DNALI1: variants seen among roughly 807,000 people sequenced by gnomAD.
DNALI1 encodes dynein axonemal light intermediate chain 1, also known as axonemal dynein light intermediate polypeptide 1.
Under a neutral mutation model 33.9 loss-of-function variants are expected in DNALI1, and 31 were observed. That is an observed-to-expected ratio of 0.91 (90% confidence interval 0.69 to 1.23). The LOEUF (loss-of-function observed/expected upper bound fraction) is 1.23. Among genes scored for constraint, DNALI1 ranks in the 50% most tolerant of loss-of-function variants. DNALI1 has a pLI of 0.00. For synonymous variants in DNALI1, 117 were observed against 129.2 expected (o/e 0.91, Z 0.64); for missense variants, 305 against 323.8 (o/e 0.94, Z 0.44).
rs762620270 is a variant in DNALI1, at chr1:37,562,213, C to G, written c.709C>G (p.Gln237Glu). 2 of 1,613,648 alleles carry G rather than the reference C, an allele frequency of 1.2e-6. No homozygotes were observed. Among genetic ancestry groups the G allele is most frequent in the Non-Finnish European group, 1.7e-6 (2 of 1,179,814 alleles). ...GGAGAAGAAGCACAATGAGGAGATT[C>G]AGTTCCTGAAGCGAACAAATCAGCA... ...VEEKKHNEEI[Q>E]FLKRTNQQLK... The change falls in exon 5 of 6, where the codon CAG becomes GAG. Residue 237 changes from glutamine to glutamate, a missense_variant. Gln to Glu is a conservative substitution (Grantham distance 29). Transcript: ENST00000652629. This position sits in a 1 kb window ranked among gnomAD's most constrained non-coding sequence, Gnocchi z 5.8.
rs966269532 is a variant in DNALI1 at position 37,566,522 on chromosome 1, T to G, written c.*1461T>G. 4 of 236,890 alleles carry G rather than the reference T, an allele frequency of 1.7e-5. No homozygotes were observed. Among genetic ancestry groups the G allele is most frequent in the Admixed American group, 5.2e-5 (1 of 19,294 alleles). The allele number at this position is 236,890 out of a possible 1,614,324, so 14.7% of individuals were successfully genotyped here. A position where few individuals can be genotyped will look rare whatever the true frequency, so the allele number is the denominator to read the frequency against. ...CTTGAAATTTGCAGTTCTGTATGCT[T>G]CTATTCCAAATCATTCATTACCAAT... On this transcript the variant is annotated 3_prime_UTR_variant, in exon 6 of 6. Transcript: ENST00000652629.
Position 37,565,166 on chromosome 1 carries a change from T to C in DNALI1, c.*105T>C. ...TAAGCCCTTTGTAATAAAAAGCTAG[T>C]TTCCTGAGTGAACAAGCCATAACCT... On this transcript the variant is annotated 3_prime_UTR_variant, in exon 6 of 6. Transcript: ENST00000652629. 1 of 1,354,358 alleles carries C rather than the reference T, an allele frequency of 7.4e-7. No homozygotes were observed. The highest frequency in any genetic ancestry group is 1.0e-6 in the Non-Finnish European group (1 of 965,658). 83.9% of individuals were successfully genotyped at this position (1,354,358 alleles called of 1,614,324 possible).
chr1:37,562,271 A>G lies in DNALI1; in HGVS notation c.741+26A>G. ...GTAATCAACGCGCAGGGTGGGGTGG[A>G]GGTGCCCCCTGCCCTGCGACCCAGC... On this transcript the variant is annotated intron_variant, in intron 5 of 5. Transcript: ENST00000652629. This position sits in a 1 kb window ranked among gnomAD's most constrained non-coding sequence, Gnocchi z 5.8. The G allele has an allele frequency of 6.2e-7, 1 of 1,602,406 alleles. No individual in the cohort carries two copies. Among genetic ancestry groups the G allele is most frequent in the Non-Finnish European group, 8.5e-7 (1 of 1,174,370 alleles).
At chr1:37,558,265 TTCC>T (rs1643396998) in intron 2 of DNALI1, 1 of 152,676 alleles carries the variant, frequency 6.5e-6, no homozygotes, top group African/African-American at 2.4e-5. Flanking sequence ...TTCAAATTCT[TTCC>T]CAAATCCAAC....
At chr1:37,560,289 C>T (rs764900615) in intron 3 of DNALI1, among the ~76,000 whole-genome samples, 10 of 152,194 alleles carry the variant, frequency 6.6e-5, no homozygotes, top group Non-Finnish European at 8.8e-5. Flanking sequence ...TCCCATCCCA[C>T]CAGGCCATAT....
intron 2 of DNALI1, 187 bp downstream of exon 2, chr1:37,557,935 C>G (rs1226943603): frequency 1.4e-6 from 1 of 704,064 alleles, no homozygotes; most frequent in African/African-American, 1.8e-5. Flanking sequence ...AATCTACCCT[C>G]ATTTCCTGCA....
intron 2 of DNALI1, 119 bp downstream of exon 2, chr1:37,557,867 G>A (rs2148121198): frequency 1.4e-6 from 2 of 1,422,632 alleles, no homozygotes; most frequent in Non-Finnish European, 1.9e-6. Context: ...CAGTATCACA[G>A]AGCTCCTAGA....
In DNALI1 at chr1:37,565,027, C is replaced by A. The variant is rs1195514666; in HGVS notation, c.743C>A (p.Ala248Asp). The A allele has an allele frequency of 6.2e-7, 1 of 1,614,014 alleles. No individual in the cohort carries two copies. Residue 248 changes from alanine to aspartate, a missense_variant and splice_region_variant, in exon 6 of 6, where the codon GCC becomes GAC. Physicochemically the swap from Ala to Asp is moderately radical, Grantham distance 126. Coordinates refer to ENST00000652629, the MANE Select transcript of DNALI1 (RefSeq NM_003462.5). ...FLKRTNQQLKAQLEGIIAPKK is the reference protein window; with the variant it reads ...FLKRTNQQLKDQLEGIIAPKK The stretch of plus-strand genomic sequence containing the variant: ...ATGGAGCTTGTTTTTGTTTTTCAGG[C>A]CCAACTGGAAGGCATTATTGCACCA...
intron 2 of DNALI1, chr1:37,558,336 A>G (rs968243484): frequency 6.6e-6 from 1 of 152,352 alleles, no homozygotes; most frequent in Non-Finnish European, 1.5e-5. Flanking sequence ...GGCCACTCGC[A>G]CTGCTGCAGT....
intron 3 of DNALI1, chr1:37,560,642 GAT>G (rs1285391435): frequency 6.6e-6 from 1 of 152,052 alleles, no homozygotes; most frequent in East Asian, 1.9e-4. Context: ...GTAACAGTCT[GAT>G]CTCTCCTTCT....
Position 37,565,033 on chromosome 1 carries a change from TG to T in DNALI1, c.751del (p.Glu251LysfsTer36). 1 of 1,614,204 alleles carries T rather than the reference TG, an allele frequency of 6.2e-7. No individual in the cohort carries two copies. The highest frequency in any genetic ancestry group is 8.5e-7 in the Non-Finnish European group (1 of 1,180,030). ...CTTGTTTTTGTTTTTCAGGCCCAAC[TG>T]GAAGGCATTATTGCACCAAAGAAGT... ...KRTNQQLKAQ[L>X]EGIIAPKK On this transcript the variant is annotated frameshift_variant, in exon 6 of 6. Transcript: ENST00000652629. LOFTEE classifies it high-confidence loss of function.
At chr1:37,560,847 T>C (rs1235680505) in intron 3 of DNALI1, 3 of 152,246 alleles carry the variant, frequency 2.0e-5, no homozygotes, top group African/African-American at 7.2e-5. Context: ...AGTATTTACA[T>C]CCATCCATCC....
In DNALI1 at chr1:37,557,656, A is replaced by T. The variant is rs777636528; in HGVS notation, c.135A>T (p.Pro45=). ...AGCCTGGACCTTCAGGTTCAGCCCC[A>T]CAGCCACCCAAGACCAAGCTCCCCT... ...PQQPGPSGSA[P]QPPKTKLPST... is the part of the protein sequence containing the mutation. Residue 45 remains proline (P), a synonymous_variant, in exon 2 of 6, where the codon CCA becomes CCT. Coordinates refer to ENST00000652629, the MANE Select transcript of DNALI1 (RefSeq NM_003462.5). 1.5e-5 allele frequency: 24 copies of T among 1,614,054 alleles called. No homozygotes were observed. Among genetic ancestry groups the T allele is most frequent in the Non-Finnish European group, 1.8e-5 (21 of 1,179,988 alleles).
At position 37,557,677 on chromosome 1, in the gene DNALI1, C is replaced by G; in HGVS notation, c.156C>G (p.Leu52=). ...CCCCACAGCCACCCAAGACCAAGCTCCCCTCAACTCCCTGTGTCCCAGATC... is the reference window on the plus strand; with the variant it reads ...CCCCACAGCCACCCAAGACCAAGCTGCCCTCAACTCCCTGTGTCCCAGATC... The part of the protein sequence containing the change: ...GSAPQPPKTK[L]PSTPCVPDPT... The change falls in exon 2 of 6, where the codon CTC becomes CTG. Residue 52 remains leucine (L), a synonymous_variant. Coordinates refer to ENST00000652629, the MANE Select transcript of DNALI1 (RefSeq NM_003462.5). The G allele has an allele frequency of 6.2e-7, 1 of 1,614,106 alleles. No homozygotes were observed. Among genetic ancestry groups the G allele is most frequent in the Non-Finnish European group, 8.5e-7 (1 of 1,179,990 alleles).
In DNALI1 at chr1:37,565,069, C is replaced by T. The variant is rs1394108451; in HGVS notation, c.*8C>T. On this transcript the variant is annotated 3_prime_UTR_variant, in exon 6 of 6. Transcript: ENST00000652629. ...ATTGCACCAAAGAAGTGATAATTTCCACATGATTAATTTCCAACAAGACAC... is the reference window on the plus strand; with the variant it reads ...ATTGCACCAAAGAAGTGATAATTTCTACATGATTAATTTCCAACAAGACAC... 6.2e-7 allele frequency: 1 copy of T among 1,614,136 alleles called. No individual in the cohort carries two copies. The highest frequency in any genetic ancestry group is 8.5e-7 in the Non-Finnish European group (1 of 1,180,002).
At position 37,557,084 on chromosome 1, in the gene DNALI1, G is replaced by C. The variant is rs181978075; in HGVS notation, c.81+9G>C. Reference sequence around the variant, plus strand: ...AGAAACGGAGCCCCAAGGTAAAGACGGGGGCTCGGGAGACAAAGGAGCCTC... The same window carrying C: ...AGAAACGGAGCCCCAAGGTAAAGACCGGGGCTCGGGAGACAAAGGAGCCTC... On this transcript the variant is annotated intron_variant, in intron 1 of 5. Coordinates refer to ENST00000652629, the MANE Select transcript of DNALI1 (RefSeq NM_003462.5). 2.5e-6 allele frequency: 4 copies of C among 1,614,012 alleles called. No homozygotes were observed. Among genetic ancestry groups the C allele is most frequent in the Admixed American group, 1.7e-5 (1 of 59,996 alleles).
In DNALI1 at chr1:37,557,590, G is replaced by A. The variant is rs1395521704; in HGVS notation, c.82-13G>A. 3.7e-6 allele frequency: 6 copies of A among 1,610,626 alleles called. No individual in the cohort carries two copies. The highest frequency in any genetic ancestry group is 8.5e-7 in the Non-Finnish European group (1 of 1,178,756). ...TGAACAATTTCCTGCCCTCACCTGT[G>A]CCTTCATCTCAGGCTCGGCTACTGA... On this transcript the variant is annotated splice_polypyrimidine_tract_variant and intron_variant, in intron 1 of 5. Coordinates refer to ENST00000652629, the MANE Select transcript of DNALI1 (RefSeq NM_003462.5).
chr1:37,557,025 T>A lies in DNALI1; in HGVS notation c.31T>A (p.Tyr11Asn). 6.2e-7 allele frequency: 1 copy of A among 1,614,154 alleles called. No homozygotes were observed. The highest frequency in any genetic ancestry group is 1.3e-5 in the African/African-American group (1 of 75,014). ...TCCGCCCGCAGACTCTTTGCTCAAG[T>A]ACGACACCCCAGTGCTGGTGAGCCG... MIPPADSLLK[Y>N]DTPVLVSRNT... Residue 11 changes from tyrosine to asparagine, a missense_variant, in exon 1 of 6, where the codon TAC (tyrosine) becomes AAC (asparagine). Coordinates refer to ENST00000652629, the MANE Select transcript of DNALI1 (RefSeq NM_003462.5).
At chr1:37,563,852 C>A (rs962738752) in intron 5 of DNALI1, among the ~76,000 whole-genome samples, 30 of 152,158 alleles carry the variant, frequency 2.0e-4, no homozygotes, top group African/African-American at 7.2e-4. Context: ...CAGGATAGAC[C>A]TACCTAAAGA....
Sources: gnomAD v4.1 joint callset for allele counts (sites outside exome capture counted in the v4.1 genomes callset) on GRCh38, gnomAD v4.1.1 for gene constraint, Gnocchi (gnomAD v3.1) non-coding constraint, MANE v1.5 for transcripts, NCBI Gene and HGNC (gene_info 2026-07-23, HGNC 2026-07-21) for gene names.